The following ADCY9 variants were observed in gnomAD, a reference collection of about 807,000 sequenced individuals.
ADCY9 encodes adenylate cyclase type 9.
ADCY9 carries 50 observed loss-of-function variants against 101.5 expected under a neutral mutation model. The ratio of observed to expected loss-of-function variants is 0.49; its 90% CI spans 0.39 to 0.62. The LOEUF is 0.62. Ranked by LOEUF, ADCY9 falls within the 20% of genes least tolerant of loss-of-function variation. ADCY9 has a pLI of 0.00. For missense variants in ADCY9, 1,662 were observed against 1,800.4 expected (o/e 0.92, Z 1.39); for synonymous variants, 905 against 769.3 (o/e 1.18, Z -2.92).
intron 2 of ADCY9, among the ~76,000 whole-genome samples, chr16:4,102,499 C>G (rs1249052377): frequency 6.6e-6 from 1 of 152,190 alleles, no homozygotes; most frequent in Non-Finnish European, 1.5e-5. Context: ...GATCTCAGCT[C>G]ACCGCAACCT....
chr16:3,985,809 G>A (rs755139586), intron 6 of ADCY9, among the ~76,000 whole-genome samples: 24 of 152,122 alleles, frequency 1.6e-4, no homozygotes, highest in Non-Finnish European at 3.1e-4. Flanking sequence ...ACTTGCCAGA[G>A]ACACCTGTCC....
chr16:4,079,759 G>C (rs1291101059), intron 2 of ADCY9, among the ~76,000 whole-genome samples: 2 of 151,730 alleles, frequency 1.3e-5, no homozygotes, highest in Non-Finnish European at 2.9e-5. Flanking sequence ...ATATATATTT[G>C]ATTTTGAATA....
chr16:4,113,835 T>A lies in ADCY9; in HGVS notation c.1608A>T (p.Ala536=), dbSNP rs200991819. The A allele has an allele frequency of 6.2e-7, 1 of 1,614,206 alleles. No individual in the cohort carries two copies. The highest frequency in any genetic ancestry group is 8.5e-7 in the Non-Finnish European group (1 of 1,180,038). ...TTTCGTACCGGTCATCTAAGTATTT[T>A]GCGGTGGCCTCAGAAATGTGAACTT... is the stretch of plus-strand genomic sequence containing the variant. The part of the protein sequence containing the change: ...AGKVHISEAT[A]KYLDDRYEME... Residue 536 remains alanine, a synonymous_variant, in exon 2 of 11, where the codon GCA becomes GCT. Coordinates refer to ENST00000294016, the MANE Select transcript of ADCY9 (RefSeq NM_001116.4).
At chr16:4,037,233 A>G (rs1212766771) in intron 2 of ADCY9, among the ~76,000 whole-genome samples, 1 of 152,100 alleles carries the variant, frequency 6.6e-6, no homozygotes, top group Non-Finnish European at 1.5e-5. Flanking sequence ...TGGGAGGATC[A>G]TTTGAGCCCA....
At chr16:3,960,786 A>G (rs974723274), downstream of ADCY9, among the ~76,000 whole-genome samples, 5 of 152,196 alleles carry the variant, frequency 3.3e-5, no homozygotes, top group Admixed American at 3.3e-4. Flanking sequence ...AATTACTCTA[A>G]TATTCATTAA....
intron 2 of ADCY9, among the ~76,000 whole-genome samples, chr16:4,031,796 G>C (rs949658718): frequency 2.6e-5 from 4 of 151,980 alleles, no homozygotes; most frequent in Non-Finnish European, 5.9e-5. Context: ...AGGATCATCT[G>C]AGCCTGGGAG....
intron 2 of ADCY9, among the ~76,000 whole-genome samples, chr16:4,047,221 C>A (rs917522): frequency 6.6e-6 from 1 of 152,142 alleles, no homozygotes; most frequent in Non-Finnish European, 1.5e-5. Context: ...AATTCTATGA[C>A]AGCATGGAGC....
intron 2 of ADCY9, among the ~76,000 whole-genome samples, chr16:4,043,458 G>A (rs2056641415): frequency 6.6e-6 from 1 of 151,978 alleles, no homozygotes. Flanking sequence ...AGGATCACTT[G>A]AGGTCAGGAG....
intron 2 of ADCY9, among the ~76,000 whole-genome samples, chr16:4,054,511 G>T (rs13338087): frequency 0.35 from 53,739 of 151,868 alleles, 9,725 homozygotes; most frequent in East Asian, 0.42. Context: ...CTTGCTGGAG[G>T]TATTAGATAC....
intron 2 of ADCY9, among the ~76,000 whole-genome samples, chr16:4,081,056 C>T (rs1328708401): frequency 6.6e-6 from 1 of 152,110 alleles, no homozygotes; most frequent in African/African-American, 2.4e-5. Context: ...TATTTTTAAA[C>T]CGAGAAATAT....
At chr16:3,981,143 C>A (rs1309622887) in intron 7 of ADCY9, among the ~76,000 whole-genome samples, 1 of 152,192 alleles carries the variant, frequency 6.6e-6, no homozygotes, top group Non-Finnish European at 1.5e-5. Flanking sequence ...TAAATGGAAC[C>A]AAATCCCACC....
chr16:4,100,712 C>A (rs2057037155), intron 2 of ADCY9, among the ~76,000 whole-genome samples: 1 of 140,976 alleles, frequency 7.1e-6, no homozygotes, highest in Non-Finnish European at 1.5e-5. Flanking sequence ...CACTGCACTC[C>A]AACCTGGGCA....
intron 2 of ADCY9, among the ~76,000 whole-genome samples, chr16:4,103,012 G>GC (rs1378471481): frequency 6.6e-6 from 1 of 152,164 alleles, no homozygotes; most frequent in Non-Finnish European, 1.5e-5. Flanking sequence ...ACGAGCCATG[G>GC]CCAGCTCGAA....
Position 3,974,187 on chromosome 16 carries a change from G to A in ADCY9, c.2870+482C>T, listed in dbSNP as rs567801892. 3.4e-4 allele frequency among the ~76,000 whole-genome samples: 51 copies of A among 152,212 alleles called. No individual in the cohort carries two copies. The South Asian group carries it at 8.5e-3, about 25-fold the overall frequency. ...CTCCTGAGTAGCTGGGACTACAGGC[G>A]CCCGCCACCATGCCCAGCTAATTTT... is the stretch of plus-strand genomic sequence containing the variant. On this transcript the variant is annotated intron_variant, in intron 10 of 10. Coordinates refer to ENST00000294016, the MANE Select transcript of ADCY9 (RefSeq NM_001116.4).
At chr16:4,092,728 T>C (rs1300538195) in intron 2 of ADCY9, among the ~76,000 whole-genome samples, 1 of 152,234 alleles carries the variant, frequency 6.6e-6, no homozygotes, top group African/African-American at 2.4e-5. Context: ...CAACCTCACT[T>C]ACTCAGACTA....
At chr16:4,108,502 T>TGG (rs2141207241) in intron 2 of ADCY9, among the ~76,000 whole-genome samples, 1 of 149,510 alleles carries the variant, frequency 6.7e-6, no homozygotes, top group African/African-American at 2.5e-5. Flanking sequence ...GCTTCCCAAG[T>TGG]GGCTGGGACT....
intron 6 of ADCY9, among the ~76,000 whole-genome samples, chr16:3,984,654 G>A (rs1321897847): frequency 3.3e-5 from 5 of 152,214 alleles, no homozygotes; most frequent in Admixed American, 6.5e-5. Context: ...TAACCTAGAG[G>A]AAGGTGTAGG....
At position 4,035,872 on chromosome 16, in the gene ADCY9, G is replaced by A. The variant is rs183024169; in HGVS notation, c.1694-28314C>T. On this transcript the variant is annotated intron_variant, in intron 2 of 10. Coordinates refer to ENST00000294016, the MANE Select transcript of ADCY9 (RefSeq NM_001116.4). ...AAATTAGACAGGCGTGGTGGCACAT[G>A]ATTGTAATCCCAGCTACTTGGGAGG... Among the ~76,000 whole-genome samples the A allele has an allele frequency of 2.0e-5, 3 of 152,084 alleles. No homozygotes were observed. In the East Asian group the frequency reaches 5.8e-4, roughly 29 times the overall value.
chr16:4,069,032 C>T (rs1210333612), intron 2 of ADCY9, among the ~76,000 whole-genome samples: 3 of 152,050 alleles, frequency 2.0e-5, no homozygotes, highest in African/African-American at 7.2e-5. Flanking sequence ...GCAAATATTG[C>T]CATAGGGTAA....
Sources: gnomAD v4.1 joint callset for allele counts (sites outside exome capture counted in the v4.1 genomes callset) on GRCh38, gnomAD v4.1.1 for gene constraint, MANE v1.5 for transcripts, NCBI Gene and HGNC (gene_info 2026-07-23, HGNC 2026-07-21) for gene names.